Variants in ARV1 observed in about 807,000 individuals in gnomAD.
The protein encoded by ARV1 is protein ARV1.
In ARV1, 26 loss-of-function variants were observed where a neutral mutation model predicts 31.1. The observed-to-expected ratio is 0.84, with a 90% confidence interval of 0.61 to 1.16. The LOEUF is 1.16. ARV1 is among the 50% of genes most tolerant of loss of function. The pLI, the probability that ARV1 is intolerant of heterozygous loss-of-function variation, is 0.00. For missense variants in ARV1, 281 were observed against 324.9 expected, an observed-to-expected ratio of 0.86 and a Z score of 1.04; for synonymous variants, 117 against 123.2, an observed-to-expected ratio of 0.95 and a Z score of 0.34.
intron 3 of ARV1, among the ~76,000 whole-genome samples, chr1:230,995,397 C>T (rs1679331314): frequency 6.6e-6 from 1 of 152,092 alleles, no homozygotes; most frequent in African/African-American, 2.4e-5. Context: ...GACTGAAAAG[C>T]CTGCATTCTC....
intron 5 of ARV1, among the ~76,000 whole-genome samples, chr1:230,997,982 G>C (rs1317535552): frequency 2.0e-5 from 3 of 152,186 alleles, no homozygotes; most frequent in Non-Finnish European, 4.4e-5. Flanking sequence ...CCCTTTGTCT[G>C]CTCTGACTTT....
intron 4 of ARV1, 73 bp downstream of exon 4, chr1:230,996,057 C>A: frequency 1.6e-6 from 2 of 1,262,778 alleles, no homozygotes; most frequent in South Asian, 1.3e-5. Context: ...TTCTGGGGTG[C>A]AGTTTTTATA....
chr1:230,998,499 C>A (rs1049654033), intron 5 of ARV1, among the ~76,000 whole-genome samples: 2 of 152,194 alleles, frequency 1.3e-5, no homozygotes, highest in African/African-American at 4.8e-5. Flanking sequence ...TGCCTATGCA[C>A]AGCTCTTCAT....
rs759400193 is a variant in ARV1, at chr1:230,997,371, A to G, written c.*4+104A>G. On this transcript the variant is annotated intron_variant, in intron 5 of 5. Coordinates refer to ENST00000310256, the MANE Select transcript of ARV1 (RefSeq NM_022786.3). ...GGTGCCCTTACATAACCCATTCTCT[A>G]GCGTCTAACTGCCTCTAGGTCACCC... The G allele has an allele frequency of 3.7e-6, 5 of 1,362,682 alleles. 1 individual carries two copies. In the South Asian group the frequency reaches 6.7e-5, roughly 18 times the overall value. The allele number at this position is 1,362,682 out of a possible 1,614,324, so 84.4% of individuals were successfully genotyped here. A position where few individuals can be genotyped will look rare whatever the true frequency, so the allele number is the denominator to read the frequency against.
intron 1 of ARV1, among the ~76,000 whole-genome samples, chr1:230,984,363 C>CGTGT (rs34285543): frequency 0.081 from 10,514 of 129,614 alleles, 466 homozygotes; most frequent in Non-Finnish European, 0.11. Context: ...TGTGTGTGTG[C>CGTGT]GTGTGTGTGT....
rs1162209283 is a variant in ARV1 at position 230,986,668 on chromosome 1, A to ATTTTTTTTTT, written c.175-1623_175-1614dup. ...CACCCACAAATGTAATACTTTTCCT[A>ATTTTTTTTTT]TTTTTTTTTTTTTTTTTTTTTTTTT... On this transcript the variant is annotated intron_variant, in intron 1 of 5. Coordinates refer to ENST00000310256, the MANE Select transcript of ARV1 (RefSeq NM_022786.3). 5.8e-4 allele frequency among the ~76,000 whole-genome samples: 36 copies of ATTTTTTTTTT among 62,346 alleles called. 3 individuals are homozygous for ATTTTTTTTTT. Among genetic ancestry groups the ATTTTTTTTTT allele is most frequent in the South Asian group, 1.9e-3 (3 of 1,546 alleles). 40.9% of individuals were successfully genotyped at this position (62,346 alleles called of 152,430 possible). A position where few individuals can be genotyped will look rare whatever the true frequency, so the allele number is the denominator to read the frequency against.
chr1:230,984,269 A>G (rs1358779089), intron 1 of ARV1, among the ~76,000 whole-genome samples: 1 of 152,020 alleles, frequency 6.6e-6, no homozygotes. Context: ...AAGAAAAGAA[A>G]AGAAACATAT....
At chr1:230,995,720 A>AT in intron 3 of ARV1, 40 bp from the exon 4 acceptor site, 1 of 1,488,044 alleles carries the variant, frequency 6.7e-7, no homozygotes, top group East Asian at 2.3e-5. Context: ...TATATTTTGG[A>AT]TGGGGACATT....
chr1:230,999,095 TC>T (rs1679455535), intron 5 of ARV1, among the ~76,000 whole-genome samples: 1 of 152,114 alleles, frequency 6.6e-6, no homozygotes, highest in Non-Finnish European at 1.5e-5. Context: ...TCAGCCCTCT[TC>T]CTTCCCTTCA....
rs571579038 is a variant in ARV1, at chr1:230,986,789, G to C, written c.175-1531G>C. Among the ~76,000 whole-genome samples, 3 of 140,558 alleles carry C rather than the reference G, an allele frequency of 2.1e-5. No individual in the cohort carries two copies. In the East Asian group the frequency reaches 6.8e-4, roughly 32 times the overall value. The allele number at this position is 140,558 out of a possible 152,430, so 92.2% of individuals were successfully genotyped here. ...TGGCTTCAAGCGATCCTCTCACCTCGGACTCCCAAAGTGCTGGTATCACAG... is the reference window on the plus strand; with the variant it reads ...TGGCTTCAAGCGATCCTCTCACCTCCGACTCCCAAAGTGCTGGTATCACAG... On this transcript the variant is annotated intron_variant, in intron 1 of 5. Coordinates refer to ENST00000310256, the MANE Select transcript of ARV1 (RefSeq NM_022786.3).
chr1:230,999,590 C>G (rs1679467006), intron 5 of ARV1: 1 of 152,492 alleles, frequency 6.6e-6, no homozygotes, highest in Non-Finnish European at 1.5e-5. Context: ...CACAGGTCCT[C>G]TCTTCTCCAA....
intron 5 of ARV1, among the ~76,000 whole-genome samples, chr1:230,998,396 C>CTCTCTTCATGCCCAGCTAA (rs1558247679): frequency 6.6e-6 from 1 of 152,014 alleles, no homozygotes; most frequent in Non-Finnish European, 1.5e-5. Flanking sequence ...TTGCCTCAAT[C>CTCTCTTCATGCCCAGCTAA]TCTCTTCATG....
chr1:230,984,363 CGTGTGTGTGTGTGTGTGTGTGTGTGTGT>C (rs34285543), intron 1 of ARV1, among the ~76,000 whole-genome samples: 3 of 129,762 alleles, frequency 2.3e-5, no homozygotes, highest in African/African-American at 8.6e-5. Context: ...TGTGTGTGTG[CGTGTGTGTGTGTGTGTGTGTGTGTGTGT>C]GTGTGTGTGT....
At chr1:230,988,761 G>A (rs1391575352) in intron 2 of ARV1, among the ~76,000 whole-genome samples, 7 of 152,086 alleles carry the variant, frequency 4.6e-5, no homozygotes, top group African/African-American at 1.7e-4. Flanking sequence ...ATCCAGGTAG[G>A]GAGAGAATTA....
intron 1 of ARV1, among the ~76,000 whole-genome samples, chr1:230,984,359 T>TGTGTGTGCGTGC (rs71179756): frequency 1.1e-5 from 1 of 93,450 alleles, no homozygotes; most frequent in Non-Finnish European, 2.2e-5. Flanking sequence ...TGTGTGTGTG[T>TGTGTGTGCGTGC]GTGCGTGTGT....
intron 1 of ARV1, among the ~76,000 whole-genome samples, chr1:230,987,286 T>G (rs1402896408): frequency 6.6e-6 from 1 of 152,232 alleles, no homozygotes; most frequent in Non-Finnish European, 1.5e-5. Flanking sequence ...CTTATGCTTA[T>G]TTCTGGATTT....
intron 2 of ARV1, among the ~76,000 whole-genome samples, chr1:230,989,098 T>C (rs1679161473): frequency 6.6e-6 from 1 of 152,170 alleles, no homozygotes; most frequent in South Asian, 2.1e-4. Flanking sequence ...GGATTCATGG[T>C]GTGTGTGAAA....
At chr1:230,979,504 G>A in intron 1 of ARV1, 1 of 522,884 alleles carries the variant, frequency 1.9e-6, no homozygotes, top group East Asian at 3.7e-5. Context: ...CGAACGGACC[G>A]GACCGACAGA....
At chr1:230,993,153 C>T (rs1679270972) in intron 3 of ARV1, among the ~76,000 whole-genome samples, 1 of 152,100 alleles carries the variant, frequency 6.6e-6, no homozygotes, top group Non-Finnish European at 1.5e-5. Context: ...TGCAGTGGCA[C>T]AGTCATAGCT....
Sources: allele counts gnomAD v4.1 joint callset (sites outside exome capture counted in the v4.1 genomes callset), GRCh38; gene constraint gnomAD v4.1.1; transcripts MANE v1.5; gene names NCBI Gene and HGNC (gene_info 2026-07-23, HGNC 2026-07-21).